Variants in MAGI2 observed in about 807,000 individuals in gnomAD.
MAGI2 encodes the protein membrane-associated guanylate kinase, WW and PDZ domain-containing protein 2.
In MAGI2, 35 loss-of-function variants were observed where a neutral mutation model predicts 133.3. That is an observed-to-expected ratio of 0.26 (90% confidence interval 0.20 to 0.35). The LOEUF (loss-of-function observed/expected upper bound fraction) is 0.35. Among genes scored for constraint, MAGI2 ranks in the 10% least tolerant of loss-of-function variants. The pLI, the probability that MAGI2 is intolerant of heterozygous loss-of-function variation, is 1.00. For missense variants in MAGI2, 1,636 were observed against 1,863.4 expected (o/e 0.88, Z 2.25); for synonymous variants, 729 against 710.6 (o/e 1.03, Z -0.41).
intron 20 of MAGI2, among the ~76,000 whole-genome samples, chr7:78,097,345 A>G (rs1817796324): frequency 6.6e-6 from 1 of 152,092 alleles, no homozygotes; most frequent in East Asian, 1.9e-4. Context: ...GTCATCCTAT[A>G]ATAAAGACAC....
chr7:79,144,459 A>G (rs1019936709), intron 1 of MAGI2, among the ~76,000 whole-genome samples: 5 of 152,288 alleles, frequency 3.3e-5, no homozygotes, highest in Non-Finnish European at 5.9e-5. Flanking sequence ...CAGCCAGGTA[A>G]GACAAGACAT....
chr7:78,670,587 G>C (rs1814253950), intron 2 of MAGI2, among the ~76,000 whole-genome samples: 1 of 152,050 alleles, frequency 6.6e-6, no homozygotes, highest in African/African-American at 2.4e-5. Context: ...AGTTCATATG[G>C]AACCAAAAAA....
chr7:79,420,653 A>G (rs1304877503), intron 1 of MAGI2, among the ~76,000 whole-genome samples: 1 of 152,002 alleles, frequency 6.6e-6, no homozygotes, highest in Non-Finnish European at 1.5e-5. Flanking sequence ...AGGCTAAAAT[A>G]AAGTCTTCAA....
intron 1 of MAGI2, among the ~76,000 whole-genome samples, chr7:79,267,563 T>C (rs1277312932): frequency 6.6e-6 from 1 of 152,184 alleles, no homozygotes; most frequent in Admixed American, 6.5e-5. Context: ...GCCAATAGTT[T>C]ACAATGCAGT....
chr7:78,482,731 T>G (rs895962137), intron 6 of MAGI2, among the ~76,000 whole-genome samples: 4 of 151,806 alleles, frequency 2.6e-5, no homozygotes, highest in Non-Finnish European at 5.9e-5. Context: ...TCAGTGGCTG[T>G]CAAGGGTCAG....
At chr7:79,368,673 C>T (rs963212846) in intron 1 of MAGI2, among the ~76,000 whole-genome samples, 5 of 151,172 alleles carry the variant, frequency 3.3e-5, no homozygotes, top group Non-Finnish European at 7.4e-5. Flanking sequence ...ACGGTGAAAC[C>T]CCGTCTCTAC....
intron 2 of MAGI2, among the ~76,000 whole-genome samples, chr7:78,956,176 C>T (rs1055615187): frequency 3.3e-5 from 5 of 152,096 alleles, no homozygotes; most frequent in Admixed American, 2.0e-4. Context: ...GAAGGTTGCA[C>T]TCTGCAATGT....
intron 2 of MAGI2, among the ~76,000 whole-genome samples, chr7:78,979,410 C>CT (rs1276050480): frequency 6.6e-6 from 1 of 151,860 alleles, no homozygotes; most frequent in Non-Finnish European, 1.5e-5. Flanking sequence ...ATGGTCAGAG[C>CT]TAAACTGGTC....
intron 2 of MAGI2, among the ~76,000 whole-genome samples, chr7:78,805,518 C>T (rs557919404): frequency 1.3e-5 from 2 of 152,226 alleles, no homozygotes; most frequent in Admixed American, 6.5e-5. Context: ...TTAGCTAAAA[C>T]TTATGTTTAA....
At chr7:78,615,826 A>G (rs1196103180) in intron 3 of MAGI2, 1 of 152,188 alleles carries the variant, frequency 6.6e-6, no homozygotes, top group East Asian at 1.9e-4. Context: ...ATTAGTATTC[A>G]TACTTAAAAT....
chr7:78,531,849 A>G (rs1275680794), intron 3 of MAGI2, among the ~76,000 whole-genome samples: 1 of 152,242 alleles, frequency 6.6e-6, no homozygotes, highest in Non-Finnish European at 1.5e-5. Flanking sequence ...TCTTGTAAAT[A>G]CAATACCCAG....
At chr7:78,573,225 TAA>T (rs1321632326) in intron 3 of MAGI2, among the ~76,000 whole-genome samples, 2 of 66,230 alleles carry the variant, frequency 3.0e-5, no homozygotes, top group Non-Finnish European at 5.2e-5. Flanking sequence ...TAAATATATA[TAA>T]ATATAAATAT....
chr7:79,369,584 T>G (rs1028215336), intron 1 of MAGI2, among the ~76,000 whole-genome samples: 2 of 152,162 alleles, frequency 1.3e-5, no homozygotes, highest in African/African-American at 4.8e-5. Flanking sequence ...CTTTATTATA[T>G]CCTTATCCCA....
chr7:78,869,912 C>T (rs1794889323), intron 2 of MAGI2, among the ~76,000 whole-genome samples: 1 of 152,116 alleles, frequency 6.6e-6, no homozygotes, highest in South Asian at 2.1e-4. Context: ...AAGTATTTGG[C>T]TTTATTTCTG....
At chr7:78,170,366 A>G (rs1825998699) in intron 14 of MAGI2, 1 of 152,246 alleles carries the variant, frequency 6.6e-6, no homozygotes, top group Non-Finnish European at 1.5e-5. Context: ...GTGTGCCAGC[A>G]GTTTAATATC....
intron 1 of MAGI2, among the ~76,000 whole-genome samples, chr7:79,083,635 A>C (rs1332413813): frequency 6.6e-6 from 1 of 151,478 alleles, no homozygotes; most frequent in Non-Finnish European, 1.5e-5. Context: ...AATTTTCTTT[A>C]TTTTTTATGT....
rs71085553 is a variant in MAGI2, at chr7:78,659,424, C to CAA, written c.419-32187_419-32186dup. ...TGGGCAACAAAGTGAGACTTCATCT[C>CAA]AAAAAAAAAAAAAAAAAAAAAAAAA... On this transcript the variant is annotated intron_variant, in intron 2 of 21. Transcript: ENST00000354212. Among the ~76,000 whole-genome samples, 186 of 23,658 alleles carry CAA rather than the reference C, an allele frequency of 7.9e-3. 27 individuals are homozygous for CAA. Among genetic ancestry groups the CAA allele is most frequent in the African/African-American group, 0.03 (165 of 5,490 alleles). The allele number at this position is 23,658 out of a possible 152,430, so 15.5% of individuals were successfully genotyped here. A position where few individuals can be genotyped will look rare whatever the true frequency, so the allele number is the denominator to read the frequency against.
At chr7:78,616,389 G>A (rs1807093923) in intron 3 of MAGI2, 1 of 152,022 alleles carries the variant, frequency 6.6e-6, no homozygotes, top group East Asian at 1.9e-4. Context: ...TTTAGGGAAG[G>A]GTAATTATCA....
chr7:78,845,971 T>C (rs1424244282), intron 2 of MAGI2, among the ~76,000 whole-genome samples: 2 of 151,914 alleles, frequency 1.3e-5, no homozygotes, highest in Non-Finnish European at 2.9e-5. Context: ...TCTGGAAATT[T>C]TCAGGTAAAA....
Sources: allele counts gnomAD v4.1 joint callset (sites outside exome capture counted in the v4.1 genomes callset), GRCh38; gene constraint gnomAD v4.1.1; transcripts MANE v1.5; gene names NCBI Gene and HGNC (gene_info 2026-07-23, HGNC 2026-07-21).